Variants in PCDH7 observed in about 807,000 individuals in gnomAD.
The protein encoded by PCDH7 is protocadherin-7.
In PCDH7, 17 loss-of-function variants were observed where a neutral mutation model predicts 58.9. The ratio of observed to expected loss-of-function variants is 0.29; its 90% CI spans 0.20 to 0.43. The LOEUF (loss-of-function observed/expected upper bound fraction) is 0.43. PCDH7 is among the 20% of genes least tolerant of loss of function. PCDH7 has a pLI of 1.00. For missense variants in PCDH7, 1,274 were observed against 1,441.0 expected (o/e 0.88, Z 1.88); for synonymous variants, 664 against 616.4 (o/e 1.08, Z -1.14).
At chr4:30,996,331 T>C (rs892097178) in intron 3 of PCDH7, among the ~76,000 whole-genome samples, 3 of 152,200 alleles carry the variant, frequency 2.0e-5, no homozygotes, top group Admixed American at 2.0e-4. Context: ...TTTGGAATTG[T>C]TTGCAATGTT....
intron 3 of PCDH7, among the ~76,000 whole-genome samples, chr4:31,028,602 G>A (rs986421253): frequency 6.6e-6 from 1 of 151,178 alleles, no homozygotes; most frequent in South Asian, 2.1e-4. Context: ...GAGTTATGGC[G>A]AGGTCTTATC....
rs146336105 is a variant in PCDH7 at position 31,096,885 on chromosome 4, T to G, written c.*8-45588T>G. 7.5e-3 allele frequency among the ~76,000 whole-genome samples: 1,127 copies of G among 150,846 alleles called. 10 individuals are homozygous for G. The highest frequency in any genetic ancestry group is 0.026 in the African/African-American group (1,069 of 40,674). ...TCTGTAAAAGTTCATAATTGATTAC[T>G]GTGAAAATACTAATAAATTCCTTGT... On this transcript the variant is annotated intron_variant, in intron 3 of 3. Coordinates refer to the PCDH7 transcript ENST00000509759.
At chr4:31,103,013 T>G (rs1243918702) in intron 3 of PCDH7, among the ~76,000 whole-genome samples, 6 of 152,216 alleles carry the variant, frequency 3.9e-5, no homozygotes, top group Admixed American at 3.9e-4. Context: ...GTTTTGTTTT[T>G]TAACTGATGT....
intron 1 of PCDH7, among the ~76,000 whole-genome samples, chr4:30,840,217 A>G (rs1001978701): frequency 6.6e-6 from 1 of 151,998 alleles, no homozygotes; most frequent in African/African-American, 2.4e-5. Flanking sequence ...TAGGAGAAAA[A>G]AAAGACACAA....
At position 30,727,770 on chromosome 4, in the gene PCDH7, C is replaced by T. The variant is rs1272578525; in HGVS notation, c.3175-2983C>T. On this transcript the variant is annotated intron_variant, in intron 1 of 1. Transcript: ENST00000361762. ...TATTTTTCTGTTTATTTTTAAGTCT[C>T]TGGTATTTTACTATGTGCTAAGCAT... 2.0e-5 allele frequency among the ~76,000 whole-genome samples: 3 copies of T among 151,784 alleles called. No individual in the cohort carries two copies. The East Asian group carries it at 5.8e-4, about 29-fold the overall frequency.
chr4:31,069,052 C>T (rs184520397), intron 3 of PCDH7, among the ~76,000 whole-genome samples: 243 of 151,464 alleles, frequency 1.6e-3, no homozygotes, highest in African/African-American at 4.9e-3. Flanking sequence ...TGTGTGTGTG[C>T]GTGTGTGTGT....
chr4:30,836,621 A>G (rs1730519843), intron 1 of PCDH7, among the ~76,000 whole-genome samples: 1 of 152,182 alleles, frequency 6.6e-6, no homozygotes, highest in Non-Finnish European at 1.5e-5. Context: ...TCTCTCCTGA[A>G]AGTTTTATTG....
chr4:30,938,897 C>T lies in PCDH7; in HGVS notation c.288-11223C>T, dbSNP rs557559942. 1.2e-4 allele frequency among the ~76,000 whole-genome samples: 19 copies of T among 152,138 alleles called. No individual in the cohort carries two copies. In the South Asian group the frequency reaches 3.9e-3, roughly 31 times the overall value. On this transcript the variant is annotated intron_variant, in intron 2 of 3. Coordinates refer to the PCDH7 transcript ENST00000509759. ...CTTAAGATTTTAGTTTCCTAATTGC[C>T]TTCTAATGCCTTTTTCCCCTCCAGA...
intron 3 of PCDH7, among the ~76,000 whole-genome samples, chr4:31,022,131 G>A (rs922620977): frequency 4.6e-5 from 7 of 152,142 alleles, no homozygotes; most frequent in African/African-American, 1.2e-4. Flanking sequence ...ATAGTTAATA[G>A]TAGTGAGAGT....
chr4:31,059,210 C>A (rs916147114), intron 3 of PCDH7, among the ~76,000 whole-genome samples: 8 of 151,790 alleles, frequency 5.3e-5, no homozygotes, highest in Admixed American at 3.3e-4. Flanking sequence ...GAAATGACAA[C>A]CAATTTTGAA....
intron 2 of PCDH7, among the ~76,000 whole-genome samples, chr4:30,928,540 T>A (rs1338710774): frequency 6.6e-6 from 1 of 152,100 alleles, no homozygotes; most frequent in African/African-American, 2.4e-5. Context: ...AAGATGGAAG[T>A]TTTTATGCTC....
intron 1 of PCDH7, among the ~76,000 whole-genome samples, chr4:30,810,745 G>A (rs1726890815): frequency 1.3e-5 from 2 of 151,716 alleles, no homozygotes; most frequent in South Asian, 2.1e-4. Context: ...CAAGTAGCTG[G>A]GATTACAGGA....
intron 3 of PCDH7, among the ~76,000 whole-genome samples, chr4:31,128,356 A>C (rs2109333206): frequency 6.6e-6 from 1 of 152,194 alleles, no homozygotes; most frequent in African/African-American, 2.4e-5. Context: ...ACCATGAGGC[A>C]GATAAAATTT....
chr4:31,092,598 G>A lies in PCDH7; in HGVS notation c.*8-49875G>A, dbSNP rs142198949. On this transcript the variant is annotated intron_variant, in intron 3 of 3. Transcript: ENST00000509759. ...AAATTACACATTTGCCCAGAATCAC[G>A]ATTTTGCACACAATTCTGCATACAT... Among the ~76,000 whole-genome samples, 218 of 152,060 alleles carry A rather than the reference G, an allele frequency of 1.4e-3. No homozygotes were observed. In the Middle Eastern group the frequency reaches 0.027, roughly 19 times the overall value.
At chr4:30,819,264 A>G (rs1728059795) in intron 1 of PCDH7, among the ~76,000 whole-genome samples, 1 of 152,132 alleles carries the variant, frequency 6.6e-6, no homozygotes, top group African/African-American at 2.4e-5. Flanking sequence ...TGTGGTGGGG[A>G]ACCTAGGCCT....
chr4:30,968,661 T>A (rs1016795280), intron 3 of PCDH7, among the ~76,000 whole-genome samples: 7 of 152,104 alleles, frequency 4.6e-5, no homozygotes, highest in Non-Finnish European at 1.0e-4. Flanking sequence ...TTGCCAGTTA[T>A]TTTGAATCCA....
At chr4:30,954,203 G>T (rs562186894) in intron 3 of PCDH7, among the ~76,000 whole-genome samples, 20 of 152,216 alleles carry the variant, frequency 1.3e-4, no homozygotes, top group African/African-American at 4.6e-4. Flanking sequence ...AGAATATATG[G>T]CCTTTTCCAG....
intron 1 of PCDH7, among the ~76,000 whole-genome samples, chr4:30,906,530 T>G (rs538041260): frequency 1.6e-4 from 24 of 152,186 alleles, no homozygotes; most frequent in Non-Finnish European, 3.1e-4. Context: ...AATGGATAAA[T>G]GCTGCCTATA....
At chr4:31,092,186 G>A (rs554594214) in intron 3 of PCDH7, among the ~76,000 whole-genome samples, 46 of 151,970 alleles carry the variant, frequency 3.0e-4, no homozygotes, top group African/African-American at 7.5e-4. Context: ...TAAAATGTAC[G>A]TATTTCTATC....
Sources: allele counts gnomAD v4.1 joint callset (sites outside exome capture counted in the v4.1 genomes callset), GRCh38; gene constraint gnomAD v4.1.1; transcripts MANE v1.5; gene names NCBI Gene and HGNC (gene_info 2026-07-23, HGNC 2026-07-21).